NRXN3: variants seen among roughly 807,000 people sequenced by gnomAD.
The protein encoded by NRXN3 is neurexin 3.
NRXN3 carries 32 observed loss-of-function variants against 137.6 expected under a neutral mutation model. The observed-to-expected ratio is 0.23, with a 90% CI of 0.18 to 0.31. The LOEUF (loss-of-function observed/expected upper bound fraction) is 0.31, where lower values mean the gene tolerates loss of function less well. NRXN3 is among the 10% of genes least tolerant of loss of function. The pLI is 1.00. For missense variants in NRXN3, 1,574 were observed against 2,062.5 expected (o/e 0.76, Z 4.59); for synonymous variants, 798 against 784.5 (o/e 1.02, Z -0.29).
rs56226324 is a variant in NRXN3 at position 79,034,349 on chromosome 14, T to TACACACACACAC, written c.3262+46226_3262+46237dup. Among the ~76,000 whole-genome samples, 1,370 of 144,516 alleles carry TACACACACACAC rather than the reference T, an allele frequency of 9.5e-3. 17 individuals carry two copies. Among genetic ancestry groups the TACACACACACAC allele is most frequent in the African/African-American group, 0.026 (996 of 38,022 alleles). 94.8% of individuals were successfully genotyped at this position (144,516 alleles called of 152,430 possible). A position where few individuals can be genotyped will look rare whatever the true frequency, so the allele number is the denominator to read the frequency against. ...TACTATAATTATGGTTCTTATTTCT[T>TACACACACACAC]ACACACACACACACACACACACACA... On this transcript the variant is annotated intron_variant, in intron 15 of 20. Transcript: ENST00000335750.
chr14:78,535,527 C>T lies in NRXN3; in HGVS notation c.758-109593C>T, dbSNP rs182054463. 4.2e-3 allele frequency among the ~76,000 whole-genome samples: 646 copies of T among 152,250 alleles called. 2 individuals carry two copies. Among genetic ancestry groups the T allele is most frequent in the Non-Finnish European group, 7.6e-3 (518 of 68,010 alleles). The stretch of plus-strand genomic sequence containing the variant: ...AGTATTCCAAGATGTAGTTATAGGT[C>T]ACATGGTTTTTGTGACACTTAATTG... On this transcript the variant is annotated intron_variant, in intron 4 of 20. Transcript: ENST00000335750.
intron 4 of NRXN3, among the ~76,000 whole-genome samples, chr14:78,464,054 TA>T (rs1247600921): frequency 4.8e-5 from 3 of 62,424 alleles, no homozygotes; most frequent in South Asian, 1.0e-3. Flanking sequence ...TTTAATTAAT[TA>T]ATTTTTTTTT....
chr14:78,381,718 G>T (rs536640070), intron 4 of NRXN3, among the ~76,000 whole-genome samples: 2 of 152,212 alleles, frequency 1.3e-5, no homozygotes, highest in East Asian at 3.9e-4. Context: ...ACAAACCATG[G>T]TACATCTATA....
intron 1 of NRXN3, among the ~76,000 whole-genome samples, chr14:78,178,269 GC>G (rs1595614454): frequency 6.6e-6 from 1 of 152,306 alleles, no homozygotes; most frequent in South Asian, 2.1e-4. Context: ...TGGCCCATTT[GC>G]CAGGCAGTCA....
intron 4 of NRXN3, among the ~76,000 whole-genome samples, chr14:78,491,580 A>C (rs929467456): frequency 7.9e-5 from 12 of 152,196 alleles, no homozygotes; most frequent in African/African-American, 2.9e-4. Flanking sequence ...TTATGCCCAC[A>C]CAACTACATA....
At chr14:79,613,988 A>G (rs1055389226) in intron 16 of NRXN3, among the ~76,000 whole-genome samples, 8 of 152,360 alleles carry the variant, frequency 5.3e-5, no homozygotes, top group Middle Eastern at 3.4e-3. Flanking sequence ...ATAGATGAAT[A>G]TCAGTATCAA....
chr14:78,254,459 T>C (rs1227700885), intron 2 of NRXN3, among the ~76,000 whole-genome samples: 1 of 152,114 alleles, frequency 6.6e-6, no homozygotes, highest in Non-Finnish European at 1.5e-5. Context: ...GGCAGGCAGA[T>C]CACGAGGTCA....
At chr14:79,253,311 C>A (rs1442557710) in intron 15 of NRXN3, among the ~76,000 whole-genome samples, 1 of 152,078 alleles carries the variant, frequency 6.6e-6, no homozygotes, top group Non-Finnish European at 1.5e-5. Flanking sequence ...CCCTGTGCGG[C>A]CATAGTTTAG....
intron 14 of NRXN3, among the ~76,000 whole-genome samples, chr14:78,973,922 A>G (rs750601057): frequency 2.0e-5 from 3 of 152,212 alleles, no homozygotes; most frequent in Admixed American, 2.0e-4. Flanking sequence ...CTTTCTTGTT[A>G]TATGCCATGT....
rs903126268 is a variant in NRXN3, at chr14:78,371,720, G to A, written c.757+73860G>A. ...GGTTGAATCCAGAGGGTTTGAGCAA[G>A]TGGTGTTTGTCCCTGCTGTAGCGAA... On this transcript the variant is annotated intron_variant, in intron 4 of 20. Transcript: ENST00000335750. Among the ~76,000 whole-genome samples the A allele has an allele frequency of 2.6e-5, 4 of 152,242 alleles. No homozygotes were observed. The South Asian group carries it at 6.2e-4, about 24-fold the overall frequency.
chr14:78,766,315 C>T (rs1235110390), intron 8 of NRXN3, among the ~76,000 whole-genome samples: 2 of 152,144 alleles, frequency 1.3e-5, no homozygotes, highest in Admixed American at 1.3e-4. Flanking sequence ...GCTTATGCTT[C>T]TATAAATTTG....
At chr14:79,246,516 C>T (rs920472028) in intron 15 of NRXN3, among the ~76,000 whole-genome samples, 1 of 152,100 alleles carries the variant, frequency 6.6e-6, no homozygotes, top group Non-Finnish European at 1.5e-5. Flanking sequence ...CTAGCATAAA[C>T]CTCACCCTTC....
At chr14:79,624,349 T>C (rs1022934766) in intron 16 of NRXN3, among the ~76,000 whole-genome samples, 2 of 152,176 alleles carry the variant, frequency 1.3e-5, no homozygotes, top group African/African-American at 2.4e-5. Flanking sequence ...GAAAAATGTT[T>C]CCATTTGTAG....
chr14:78,814,537 T>C (rs2194528), intron 10 of NRXN3, among the ~76,000 whole-genome samples: 150,374 of 152,268 alleles, frequency 0.99, 74,277 homozygotes, highest in East Asian at 1. Context: ...ATCGCTTGAA[T>C]CCAGGAGGCG....
intron 10 of NRXN3, among the ~76,000 whole-genome samples, chr14:78,857,724 T>C (rs772371717): frequency 3.3e-5 from 5 of 151,972 alleles, no homozygotes; most frequent in Non-Finnish European, 5.9e-5. Context: ...CCAGCAGAGA[T>C]AATAGGTTGA....
intron 4 of NRXN3, among the ~76,000 whole-genome samples, chr14:78,611,951 C>A (rs185283454): frequency 6.6e-6 from 1 of 152,146 alleles, no homozygotes; most frequent in Non-Finnish European, 1.5e-5. Context: ...AAACCCAAGA[C>A]GTCTATCTGC....
intron 4 of NRXN3, among the ~76,000 whole-genome samples, chr14:78,595,382 G>A (rs372528140): frequency 1.3e-5 from 2 of 152,316 alleles, no homozygotes; most frequent in South Asian, 2.1e-4. Flanking sequence ...CATTGAGCTA[G>A]TACAGTCCTG....
At chr14:79,797,195 G>A (rs1204710080) in intron 19 of NRXN3, among the ~76,000 whole-genome samples, 2 of 152,012 alleles carry the variant, frequency 1.3e-5, no homozygotes, top group African/African-American at 2.4e-5. Flanking sequence ...CCTAATTTTG[G>A]TCAGACAGAA....
At chr14:79,325,733 T>A (rs1055651539) in intron 15 of NRXN3, among the ~76,000 whole-genome samples, 1 of 152,202 alleles carries the variant, frequency 6.6e-6, no homozygotes, top group African/African-American at 2.4e-5. Context: ...CCAAAGGTGT[T>A]GCCTAGAATC....
Sources: allele counts gnomAD v4.1 joint callset (sites outside exome capture counted in the v4.1 genomes callset), GRCh38; gene constraint gnomAD v4.1.1; transcripts MANE v1.5; gene names NCBI Gene and HGNC (gene_info 2026-07-23, HGNC 2026-07-21).